Variants in MED1 observed in about 807,000 individuals in gnomAD.
MED1 encodes mediator complex subunit 1.
In MED1, 17 loss-of-function variants were observed where a neutral mutation model predicts 121.3. The observed-to-expected ratio is 0.14, with a 90% confidence interval of 0.10 to 0.21. The LOEUF is 0.21. Among genes scored for constraint, MED1 ranks in the 10% least tolerant of loss-of-function variants. The pLI is 1.00. For synonymous variants in MED1, 661 were observed against 694.4 expected (o/e 0.95, Z 0.76); for missense variants, 1,558 against 1,919.4 (o/e 0.81, Z 3.52).
At chr17:39,427,468 C>A in intron 10 of MED1, 2 of 263,718 alleles carry the variant, frequency 7.6e-6, no homozygotes, top group East Asian at 1.7e-4. Flanking sequence ...GCGTGAGCCA[C>A]CGTGCCCAGC....
intron 3 of MED1, among the ~76,000 whole-genome samples, chr17:39,442,854 G>A (rs1225750399): frequency 3.5e-4 from 44 of 124,680 alleles, no homozygotes; most frequent in Admixed American, 7.1e-4. Flanking sequence ...GTGGTGAGCC[G>A]AGATTCCACC....
chr17:39,423,639 T>C, intron 12 of MED1, 58 bp downstream of exon 12: 2 of 1,609,958 alleles, frequency 1.2e-6, no homozygotes, highest in Non-Finnish European at 1.7e-6. Context: ...ATAACCTGAC[T>C]TTGAAGTTTC....
Position 39,440,058 on chromosome 17 carries a change from AAAG to A in MED1, c.399+325_399+327del, listed in dbSNP as rs1438684331. ...AGAGAGAAAGAGAAAGAAAGAAAAGAAAGAAAAGAAAAAGAAAGCAAGCAAGCA... is the reference window on the plus strand; with the variant it reads ...AGAGAGAAAGAGAAAGAAAGAAAAGAAAAAGAAAAAGAAAGCAAGCAAGCA... On this transcript the variant is annotated intron_variant, in intron 5 of 16. Transcript: ENST00000300651. This position sits in a 1 kb window ranked among gnomAD's most constrained non-coding sequence, Gnocchi z 4.1. 1.3e-5 allele frequency among the ~76,000 whole-genome samples: 2 copies of A among 151,780 alleles called. No homozygotes were observed. Among genetic ancestry groups the A allele is most frequent in the Non-Finnish European group, 2.9e-5 (2 of 67,940 alleles).
intron 1 of MED1, among the ~76,000 whole-genome samples, chr17:39,449,212 G>A (rs781252322): frequency 6.6e-6 from 1 of 152,030 alleles, no homozygotes; most frequent in Admixed American, 6.6e-5. Flanking sequence ...ACAGGGTCTC[G>A]CTCTGTCGCC....
chr17:39,450,314 T>C (rs1168731622), intron 1 of MED1, among the ~76,000 whole-genome samples: 1 of 152,180 alleles, frequency 6.6e-6, no homozygotes, highest in Non-Finnish European at 1.5e-5. Context: ...CTGATAAATA[T>C]CTGTACTTCG....
At chr17:39,439,907 C>T (rs913809606) in intron 5 of MED1, among the ~76,000 whole-genome samples, 5 of 146,968 alleles carry the variant, frequency 3.4e-5, no homozygotes, top group Non-Finnish European at 7.4e-5. Flanking sequence ...CACTGCACTC[C>T]AGGCGACAGA....
At chr17:39,450,320 C>T (rs1358640897) in intron 1 of MED1, among the ~76,000 whole-genome samples, 1 of 152,128 alleles carries the variant, frequency 6.6e-6, no homozygotes, top group Non-Finnish European at 1.5e-5. Flanking sequence ...AATATCTGTA[C>T]TTCGATGCTC....
chr17:39,448,331 T>A (rs1028759929), intron 1 of MED1, among the ~76,000 whole-genome samples: 1 of 150,580 alleles, frequency 6.6e-6, no homozygotes, highest in African/African-American at 2.4e-5. Flanking sequence ...GATCACACTA[T>A]TGCACTCCAG....
chr17:39,408,703 T>C lies in MED1; in HGVS notation c.3518A>G (p.Lys1173Arg), dbSNP rs1437176963. Reference sequence around the variant, plus strand: ...AAGTGATGATGGCTTTCCTTGAGGTTTCATCTTGGTGCTGCTAGAGCCACT... The same window carrying C: ...AAGTGATGATGGCTTTCCTTGAGGTCTCATCTTGGTGCTGCTAGAGCCACT... ...LSSGSSSTKM[K>R]PQGKPSSLMN... Residue 1173 changes from lysine (K) to arginine (R), a missense_variant, in exon 17 of 17, where the codon AAA becomes AGA. Physicochemically the swap from Lys to Arg is conservative, Grantham distance 26 (BLOSUM62 2). This residue lies in a region of MED1 where 793 missense variants were observed against 898.2 expected (regional missense o/e 0.88). Coordinates refer to ENST00000300651, the MANE Select transcript of MED1 (RefSeq NM_004774.4). The surrounding 1 kb of genome is among the most constrained non-coding windows in gnomAD (Gnocchi z 4.7). 6.2e-7 allele frequency: 1 copy of C among 1,614,108 alleles called. No homozygotes were observed. Among genetic ancestry groups the C allele is most frequent in the African/African-American group, 1.3e-5 (1 of 74,942 alleles).
chr17:39,447,979 T>C, intron 1 of MED1, 75 bp from the exon 2 acceptor site: 2 of 927,546 alleles, frequency 2.2e-6, no homozygotes, highest in Non-Finnish European at 3.4e-6. Flanking sequence ...GCAAAATAAA[T>C]TCCCACACTT....
chr17:39,413,343 A>C (rs2048374489), intron 16 of MED1, among the ~76,000 whole-genome samples: 1 of 151,940 alleles, frequency 6.6e-6, no homozygotes, highest in Non-Finnish European at 1.5e-5. Flanking sequence ...GCTCACCGCA[A>C]CCTCCGATTC....
chr17:39,439,283 GTT>G, intron 5 of MED1, 90 bp from the exon 6 acceptor site: 1 of 975,942 alleles, frequency 1.0e-6, no homozygotes, highest in Non-Finnish European at 1.5e-6. Flanking sequence ...TATAGCACAT[GTT>G]TTACAACAAA....
intron 14 of MED1, among the ~76,000 whole-genome samples, chr17:39,415,791 T>C (rs1158784472): frequency 8.3e-6 from 1 of 120,072 alleles, no homozygotes; most frequent in Non-Finnish European, 1.6e-5. Flanking sequence ...CACTCCAGCC[T>C]GGGCAAGAGT....
intron 13 of MED1, among the ~76,000 whole-genome samples, chr17:39,421,076 G>C (rs773221320): frequency 6.6e-6 from 1 of 151,082 alleles, no homozygotes; most frequent in Admixed American, 6.6e-5. Context: ...GATTACAGGC[G>C]TGAGCCACCG....
rs749621731 is a variant in MED1 at position 39,443,632 on chromosome 17, T to C, written c.133-4A>G. On this transcript the variant is annotated splice_polypyrimidine_tract_variant and splice_region_variant and intron_variant, in intron 2 of 16. Transcript: ENST00000300651. ...AACTCATCACAACCCTCTTCTCCTGTGTCAAGTGGGAAAACATTTGAGGTG... is the reference window on the plus strand; with the variant it reads ...AACTCATCACAACCCTCTTCTCCTGCGTCAAGTGGGAAAACATTTGAGGTG... 1.9e-6 allele frequency: 3 copies of C among 1,612,890 alleles called. No homozygotes were observed. In the South Asian group the frequency reaches 3.3e-5, roughly 18 times the overall value.
At chr17:39,415,905 G>A (rs545039383) in intron 14 of MED1, among the ~76,000 whole-genome samples, 8 of 147,744 alleles carry the variant, frequency 5.4e-5, no homozygotes, top group African/African-American at 7.5e-5. Context: ...CAGGAGAATC[G>A]TTTCAACCTG....
chr17:39,415,313 C>T lies in MED1; in HGVS notation c.1324G>A (p.Val442Met), dbSNP rs1477896401. The T allele has an allele frequency of 1.2e-6, 2 of 1,613,348 alleles. No homozygotes were observed. Among genetic ancestry groups the T allele is most frequent in the South Asian group, 2.2e-5 (2 of 91,048 alleles). The change falls in exon 15 of 17, where the codon GTG becomes ATG. Residue 442 changes from valine (V) to methionine (M), a missense_variant. Around this residue, in one of 5 missense-constraint regions of MED1, gnomAD observed 443 missense variants for 532.4 expected, o/e 0.83. Transcript: ENST00000300651. Reference sequence around the variant, plus strand: ...AAACGAGACTCTGAGAGAGGACACACTTCAAATTGGAGAAGCCCAGGAGAA... The same window carrying T: ...AAACGAGACTCTGAGAGAGGACACATTTCAAATTGGAGAAGCCCAGGAGAA... ...EDSPGLLQFE[V>M]CPLSESRFSV...
At chr17:39,444,323 A>C (rs1017098232) in intron 2 of MED1, among the ~76,000 whole-genome samples, 8 of 151,758 alleles carry the variant, frequency 5.3e-5, no homozygotes, top group Admixed American at 5.3e-4. Context: ...CCTGGCCAAA[A>C]TGGTGAAACC....
chr17:39,423,241 T>C, intron 13 of MED1, 86 bp downstream of exon 13: 1 of 976,646 alleles, frequency 1.0e-6, no homozygotes, highest in Non-Finnish European at 1.6e-6. Context: ...GAAACTTATC[T>C]GACCTCAATA....
Sources: allele counts gnomAD v4.1 joint callset (sites outside exome capture counted in the v4.1 genomes callset), GRCh38; gene constraint gnomAD v4.1.1; regional missense constraint gnomAD v4.1.1; non-coding constraint Gnocchi (gnomAD v3.1); transcripts MANE v1.5; gene names NCBI Gene and HGNC (gene_info 2026-07-23, HGNC 2026-07-21).